The following NRXN1 variants were observed in gnomAD, a reference collection of about 807,000 sequenced individuals.
NRXN1 encodes the protein neurexin-1.
Under a neutral mutation model 150.9 loss-of-function variants are expected in NRXN1, and 39 were observed. The ratio of observed to expected loss-of-function variants is 0.26; its 90% CI spans 0.20 to 0.34. The LOEUF (loss-of-function observed/expected upper bound fraction) is 0.34. NRXN1 is among the 10% of genes least tolerant of loss of function. NRXN1 has a pLI of 1.00. For missense variants in NRXN1, 1,815 were observed against 1,949.9 expected (o/e 0.93, Z 1.30); for synonymous variants, 924 against 757.0 (o/e 1.22, Z -3.62).
At chr2:50,909,377 G>A (rs1684213314) in intron 5 of NRXN1, among the ~76,000 whole-genome samples, 1 of 151,952 alleles carries the variant, frequency 6.6e-6, no homozygotes, top group Admixed American at 6.6e-5. Context: ...ATAGGCATTT[G>A]GACTAGGAGA....
intron 8 of NRXN1, among the ~76,000 whole-genome samples, chr2:50,578,432 T>G (rs1474659212): frequency 6.6e-6 from 1 of 152,124 alleles, no homozygotes; most frequent in Non-Finnish European, 1.5e-5. Flanking sequence ...TCATGGGAGA[T>G]TCATATAGAA....
At chr2:50,286,853 G>A (rs2072251159) in intron 17 of NRXN1, among the ~76,000 whole-genome samples, 1 of 152,002 alleles carries the variant, frequency 6.6e-6, no homozygotes, top group Non-Finnish European at 1.5e-5. Context: ...TTGATAAATG[G>A]GAAATTATTT....
chr2:50,948,416 G>C (rs184942825), intron 2 of NRXN1, among the ~76,000 whole-genome samples: 7 of 152,104 alleles, frequency 4.6e-5, no homozygotes, highest in Admixed American at 1.3e-4. Context: ...GATAACAAAA[G>C]AAGCAATAAA....
chr2:50,917,131 A>G (rs1014683874), intron 5 of NRXN1: 2 of 151,686 alleles, frequency 1.3e-5, no homozygotes, highest in African/African-American at 4.8e-5. Flanking sequence ...GAGGTAACAC[A>G]GTAGAAAATT....
chr2:50,979,546 T>C (rs990641710), intron 2 of NRXN1, among the ~76,000 whole-genome samples: 2 of 152,136 alleles, frequency 1.3e-5, no homozygotes, highest in Non-Finnish European at 2.9e-5. Flanking sequence ...ATAAATTATT[T>C]CATAGACTGA....
chr2:49,955,056 T>C (rs574031043), intron 21 of NRXN1, among the ~76,000 whole-genome samples: 6 of 152,278 alleles, frequency 3.9e-5, no homozygotes, highest in Admixed American at 3.3e-4. Context: ...AAGTGAGGGA[T>C]TCATCTTGAC....
chr2:50,176,183 G>C (rs747935369), intron 18 of NRXN1, among the ~76,000 whole-genome samples: 2 of 152,062 alleles, frequency 1.3e-5, no homozygotes, highest in Non-Finnish European at 2.9e-5. Context: ...CAGAAACCTT[G>C]ATATATGTTT....
chr2:50,966,046 C>T (rs1182795238), intron 2 of NRXN1, among the ~76,000 whole-genome samples: 1 of 151,528 alleles, frequency 6.6e-6, no homozygotes, highest in Non-Finnish European at 1.5e-5. Flanking sequence ...GCATTATCAG[C>T]TTTTCATATT....
chr2:50,978,611 C>T (rs41522849), intron 2 of NRXN1, among the ~76,000 whole-genome samples: 2,848 of 151,806 alleles, frequency 0.019, 92 homozygotes, highest in African/African-American at 0.066. Flanking sequence ...GCATACAATG[C>T]TTGGCTAATG....
intron 5 of NRXN1, among the ~76,000 whole-genome samples, chr2:50,825,086 C>T (rs780204194): frequency 5.9e-5 from 9 of 152,140 alleles, no homozygotes; most frequent in Non-Finnish European, 8.8e-5. Flanking sequence ...ATGCTTCCAA[C>T]GTATCTATAG....
intron 17 of NRXN1, among the ~76,000 whole-genome samples, chr2:50,374,253 T>G (rs755556831): frequency 6.6e-6 from 1 of 151,304 alleles, no homozygotes; most frequent in Non-Finnish European, 1.5e-5. Flanking sequence ...AGCATGCTAT[T>G]GTGCTCCAGC....
chr2:50,826,227 G>A (rs1359405859), intron 5 of NRXN1, among the ~76,000 whole-genome samples: 2 of 152,160 alleles, frequency 1.3e-5, no homozygotes, highest in East Asian at 1.9e-4. Context: ...GGTAGCATCT[G>A]AGCTGAGAGT....
At chr2:50,334,039 C>G (rs2077005067) in intron 17 of NRXN1, among the ~76,000 whole-genome samples, 1 of 151,700 alleles carries the variant, frequency 6.6e-6, no homozygotes. Flanking sequence ...TCTTTGGGAG[C>G]TTTTTGCCTG....
chr2:50,104,323 C>T (rs987496701), intron 18 of NRXN1, among the ~76,000 whole-genome samples: 2 of 152,014 alleles, frequency 1.3e-5, no homozygotes, highest in East Asian at 3.9e-4. Flanking sequence ...CTGTTGTGAT[C>T]TTGCATTCCA....
chr2:50,417,074 T>G (rs189797781), intron 17 of NRXN1: 53 of 152,268 alleles, frequency 3.5e-4, no homozygotes, highest in African/African-American at 1.3e-3. Context: ...ACCCACCCAT[T>G]AAACCTACCT....
chr2:49,922,812 A>G (rs1345414033), intron 22 of NRXN1, among the ~76,000 whole-genome samples: 2 of 152,210 alleles, frequency 1.3e-5, no homozygotes, highest in Non-Finnish European at 2.9e-5. Context: ...TTACATTTTT[A>G]TAAATAAAAA....
intron 5 of NRXN1, among the ~76,000 whole-genome samples, chr2:50,725,783 G>C (rs1372067990): frequency 1.3e-5 from 2 of 152,054 alleles, no homozygotes; most frequent in Admixed American, 6.6e-5. Flanking sequence ...TTGTAAAACA[G>C]ACTTAAGAAC....
At chr2:50,028,639 T>G (rs1194291338) in intron 21 of NRXN1, among the ~76,000 whole-genome samples, 1 of 152,252 alleles carries the variant, frequency 6.6e-6, no homozygotes, top group Non-Finnish European at 1.5e-5. Context: ...TTGCTCAGGC[T>G]AAGGCCATGC....
intron 5 of NRXN1, among the ~76,000 whole-genome samples, chr2:50,846,449 G>T (rs1673671899): frequency 6.6e-6 from 1 of 151,806 alleles, no homozygotes; most frequent in African/African-American, 2.4e-5. Context: ...CTTTTAAGAT[G>T]TGAATCCTGT....
Sources: allele counts gnomAD v4.1 joint callset (sites outside exome capture counted in the v4.1 genomes callset), GRCh38; gene constraint gnomAD v4.1.1; transcripts MANE v1.5; gene names NCBI Gene and HGNC (gene_info 2026-07-23, HGNC 2026-07-21).